The following ADD2 variants were observed in gnomAD, a reference collection of about 807,000 sequenced individuals.
The protein encoded by ADD2 is beta-adducin.
In ADD2, 23 loss-of-function variants were observed where a neutral mutation model predicts 83.0. The ratio of observed to expected loss-of-function variants is 0.28; its 90% CI spans 0.20 to 0.39. ADD2 has a LOEUF of 0.39. Ranked by LOEUF, ADD2 falls within the 10% of genes least tolerant of loss-of-function variation. ADD2 has a pLI of 1.00. For missense variants in ADD2, 758 were observed against 944.9 expected (o/e 0.80, Z 2.59); for synonymous variants, 375 against 375.4 (o/e 1.00, Z 0.01).
chr2:70,669,112 C>T (rs561432578), intron 15 of ADD2, among the ~76,000 whole-genome samples: 6 of 152,124 alleles, frequency 3.9e-5, no homozygotes, highest in Admixed American at 2.6e-4. Flanking sequence ...AGAAGGCCCA[C>T]GGGTGCTCAA....
chr2:70,728,394 G>A (rs1316374789), intron 1 of ADD2, among the ~76,000 whole-genome samples: 1 of 152,192 alleles, frequency 6.6e-6, no homozygotes. Flanking sequence ...CACAGCGGGG[G>A]TCAGTCTGCA....
In ADD2 at chr2:70,734,599, AAGAC is replaced by A. The variant is rs782170255; in HGVS notation, c.-153-21419_-153-21416del. ...AGGAAGGGAGAACTGAAATGGAAGAAAGACAGAGGAGTGAGCCAGCCACTGGCAG... is the reference window on the plus strand; with the variant it reads ...AGGAAGGGAGAACTGAAATGGAAGAAAGAGGAGTGAGCCAGCCACTGGCAG... On this transcript the variant is annotated intron_variant, in intron 1 of 15. Coordinates refer to ENST00000264436, the MANE Select transcript of ADD2 (RefSeq NM_001617.4). Among the ~76,000 whole-genome samples the A allele has an allele frequency of 1.1e-4, 16 of 152,296 alleles. No individual in the cohort carries two copies. In the East Asian group the frequency reaches 2.7e-3, roughly 26 times the overall value.
chr2:70,692,493 G>T lies in ADD2; in HGVS notation c.615C>A (p.Asp205Glu). The change falls in exon 7 of 16, where the codon GAC becomes GAA. Residue 205 changes from aspartate (D) to glutamate (E), a missense_variant. This residue lies in a region of ADD2 where 394 missense variants were observed against 509.3 expected (regional missense o/e 0.77). Coordinates refer to ENST00000264436, the MANE Select transcript of ADD2 (RefSeq NM_001617.4). Reference protein sequence around the residue: ...VEKGSSCFPVDTTGFCLHSAI... With the variant: ...VEKGSSCFPVETTGFCLHSAI... ...CCGAGTGCAGACAGAAGCCTGTGGT[G>T]TCCACTGGGAAGCAGCTGCTGCCCT... 6.2e-7 allele frequency: 1 copy of T among 1,613,038 alleles called. No homozygotes were observed.
At chr2:70,766,900 G>A (rs1553386135) in intron 1 of ADD2, among the ~76,000 whole-genome samples, 1 of 152,216 alleles carries the variant, frequency 6.6e-6, no homozygotes, top group Non-Finnish European at 1.5e-5. Context: ...AGAGATAAAT[G>A]ACAGTTTTTT....
intron 4 of ADD2, among the ~76,000 whole-genome samples, chr2:70,697,861 C>T (rs540168872): frequency 7.1e-4 from 108 of 152,312 alleles, no homozygotes; most frequent in African/African-American, 2.5e-3. Flanking sequence ...TTGAATCACC[C>T]ATGTCAGGAA....
chr2:70,682,087 A>G (rs1670482574), intron 10 of ADD2, among the ~76,000 whole-genome samples: 1 of 152,238 alleles, frequency 6.6e-6, no homozygotes, highest in South Asian at 2.1e-4. Context: ...ATAGATTGAT[A>G]TTATTAAGCC....
chr2:70,677,449 T>G (rs991362985), intron 12 of ADD2, among the ~76,000 whole-genome samples: 1 of 152,230 alleles, frequency 6.6e-6, no homozygotes, highest in African/African-American at 2.4e-5. Context: ...ACAGCAATCT[T>G]GAAATATTGC....
At chr2:70,678,524 G>T (rs1270767100) in intron 11 of ADD2, among the ~76,000 whole-genome samples, 180 bp downstream of exon 11, 1 of 152,246 alleles carries the variant, frequency 6.6e-6, no homozygotes, top group Non-Finnish European at 1.5e-5. Context: ...GTGCAAGGAA[G>T]AAGTGGTCAG....
chr2:70,672,983 C>T lies in ADD2; in HGVS notation c.1765G>A (p.Glu589Lys). 1 of 1,613,668 alleles carries T rather than the reference C, an allele frequency of 6.2e-7. No homozygotes were observed. The highest frequency in any genetic ancestry group is 1.7e-4 in the Middle Eastern group (1 of 6,052). ...GCAGACTTTGCAGGTGAGCCAGGCTCTTCTGGGGCAGTTTCTTTCTCTCCT... is the reference window on the plus strand; with the variant it reads ...GCAGACTTTGCAGGTGAGCCAGGCTTTTCTGGGGCAGTTTCTTTCTCTCCT... ...LDGEKETAPE[E>K]PGSPAKSAPA... Residue 589 changes from glutamate to lysine, a missense_variant, in exon 15 of 16, where the codon GAG becomes AAG. By Grantham distance (56) the Glu-to-Lys change is moderately conservative. This residue lies in a region of ADD2 where 165 missense variants were observed against 176.2 expected (regional missense o/e 0.94). Transcript: ENST00000264436.
At chr2:70,697,033 C>A (rs1373513816) in intron 4 of ADD2, among the ~76,000 whole-genome samples, 3 of 152,160 alleles carry the variant, frequency 2.0e-5, no homozygotes, top group Non-Finnish European at 4.4e-5. Flanking sequence ...GTGGCACGCG[C>A]CTGTAATACC....
At chr2:70,756,340 TG>T (rs577010717) in intron 1 of ADD2, among the ~76,000 whole-genome samples, 2 of 152,142 alleles carry the variant, frequency 1.3e-5, no homozygotes, top group Admixed American at 6.5e-5. Flanking sequence ...AGCCCTACTA[TG>T]GTGGTGTTGG....
chr2:70,717,062 C>T (rs1249791004), intron 1 of ADD2, among the ~76,000 whole-genome samples: 1 of 152,110 alleles, frequency 6.6e-6, no homozygotes, highest in African/African-American at 2.4e-5. Flanking sequence ...AGCACCCCCT[C>T]ACCTCCCTCA....
intron 1 of ADD2, among the ~76,000 whole-genome samples, chr2:70,714,421 T>C (rs1302681230): frequency 6.6e-6 from 1 of 152,170 alleles, no homozygotes; most frequent in Non-Finnish European, 1.5e-5. Context: ...TCTTGGTAGG[T>C]ACAATGTGCC....
At chr2:70,717,072 A>G (rs538933949) in intron 1 of ADD2, among the ~76,000 whole-genome samples, 2 of 152,070 alleles carry the variant, frequency 1.3e-5, no homozygotes, top group East Asian at 3.9e-4. Context: ...CACCTCCCTC[A>G]GCTGGGACCC....
intron 1 of ADD2, 103 bp downstream of exon 1, chr2:70,767,782 AC>A: frequency 6.7e-7 from 1 of 1,487,478 alleles, no homozygotes; most frequent in South Asian, 1.3e-5. Context: ...GACGCGCCCC[AC>A]CTGGGCCAAG....
intron 2 of ADD2, among the ~76,000 whole-genome samples, chr2:70,707,827 G>T (rs1553374803): frequency 6.6e-6 from 1 of 152,202 alleles, no homozygotes; most frequent in African/African-American, 2.4e-5. Flanking sequence ...ACCTCCATGG[G>T]CTCCCATTCC....
chr2:70,675,039 T>C (rs1342429855), intron 13 of ADD2: 1 of 1,323,210 alleles, frequency 7.6e-7, no homozygotes. Flanking sequence ...GCTGGATGAA[T>C]ATAGGGGGTC....
Position 70,690,949 on chromosome 2 carries a change from GGT to G in ADD2, c.706-22_706-21del. 6.2e-7 allele frequency: 1 copy of G among 1,603,004 alleles called. No homozygotes were observed. The highest frequency in any genetic ancestry group is 8.5e-7 in the Non-Finnish European group (1 of 1,174,956). ...CGACACCTTAGAGAGACAATGGCAT[GGT>G]TAGCACCTGCAGCCCTCCCTGCCCT... On this transcript the variant is annotated intron_variant, in intron 7 of 15. Transcript: ENST00000264436.
intron 1 of ADD2, among the ~76,000 whole-genome samples, chr2:70,751,409 A>T (rs1553382927): frequency 6.6e-6 from 1 of 152,202 alleles, no homozygotes; most frequent in Admixed American, 6.5e-5. Flanking sequence ...AAACTAGAAA[A>T]AGGAATACAG....
Sources: allele counts gnomAD v4.1 joint callset (sites outside exome capture counted in the v4.1 genomes callset), GRCh38; gene constraint gnomAD v4.1.1; regional missense constraint gnomAD v4.1.1; transcripts MANE v1.5; gene names NCBI Gene and HGNC (gene_info 2026-07-23, HGNC 2026-07-21).